PCDHGC4: variants seen among roughly 807,000 people sequenced by gnomAD.
The protein encoded by PCDHGC4 is protocadherin gamma subfamily C, 4.
Under a neutral mutation model 59.7 loss-of-function variants are expected in PCDHGC4, and 15 were observed. The observed-to-expected ratio is 0.25, with a 90% CI of 0.17 to 0.39. PCDHGC4 has a LOEUF of 0.39. Ranked by LOEUF, PCDHGC4 falls within the 10% of genes least tolerant of loss-of-function variation. The pLI is 1.00. For missense variants in PCDHGC4, 1,016 were observed against 1,189.5 expected (o/e 0.85, Z 2.15); for synonymous variants, 434 against 481.4 (o/e 0.90, Z 1.29).
In PCDHGC4 at chr5:141,486,047, C is replaced by T. The variant is rs763394605; in HGVS notation, c.874C>T (p.Leu292Phe). Reference protein sequence around the residue: ...SGHTPDRVRNLFSLHPTTGKL... With the variant: ...SGHTPDRVRNFFSLHPTTGKL... Reference sequence around the variant, plus strand: ...TCATACCCCTGATCGTGTAAGAAACCTCTTTAGCCTGCACCCCACTACTGG... The same window carrying T: ...TCATACCCCTGATCGTGTAAGAAACTTCTTTAGCCTGCACCCCACTACTGG... The change falls in exon 1 of 4, where the codon CTC (leucine) becomes TTC (phenylalanine). Residue 292 changes from leucine (L) to phenylalanine (F), a missense_variant. By Grantham distance (22) the Leu-to-Phe change is conservative (BLOSUM62 0). Transcript: ENST00000306593. The surrounding 1 kb of genome is among the most constrained non-coding windows in gnomAD (Gnocchi z 5.0). 2.5e-6 allele frequency: 4 copies of T among 1,614,054 alleles called. No individual in the cohort carries two copies. The African/African-American group carries it at 5.3e-5, about 22-fold the overall frequency.
At position 141,486,994 on chromosome 5, in the gene PCDHGC4, C is replaced by G. The variant is rs779792543; in HGVS notation, c.1821C>G (p.Ser607=). ...ATTCAGGTTACAATGCTTGGGTTTC[C>G]TATCAGCTCCTGGAGGCCCCAGATC... The part of the protein sequence containing the change: ...DLDSGYNAWV[S]YQLLEAPDPS... Residue 607 remains serine, a synonymous_variant, in exon 1 of 4, where the codon TCC becomes TCG. Coordinates refer to ENST00000306593, the MANE Select transcript of PCDHGC4 (RefSeq NM_018928.3). The surrounding 1 kb of genome is among the most constrained non-coding windows in gnomAD (Gnocchi z 5.0). 3 of 1,614,214 alleles carry G rather than the reference C, an allele frequency of 1.9e-6. No individual in the cohort carries two copies. Among genetic ancestry groups the G allele is most frequent in the Admixed American group, 1.7e-5 (1 of 60,030 alleles).
chr5:141,485,260 G>C lies in PCDHGC4; in HGVS notation c.87G>C (p.Gly29=). ...FLFYHLGYVC[G]QIRYPVPEES... is the part of the protein sequence containing the mutation. ...TTTACCACCTGGGTTACGTTTGTGG[G>C]CAGATCCGCTACCCGGTCCCAGAGG... is the stretch of plus-strand genomic sequence containing the variant. Residue 29 remains glycine (G), a synonymous_variant, in exon 1 of 4, where the codon GGG becomes GGC. Transcript: ENST00000306593. The surrounding 1 kb of genome is among the most constrained non-coding windows in gnomAD (Gnocchi z 5.7). 1 of 1,614,122 alleles carries C rather than the reference G, an allele frequency of 6.2e-7. No homozygotes were observed. The highest frequency in any genetic ancestry group is 8.5e-7 in the Non-Finnish European group (1 of 1,179,966).
chr5:141,509,300 G>A (rs987250093), intron 3 of PCDHGC4, among the ~76,000 whole-genome samples: 5 of 152,216 alleles, frequency 3.3e-5, no homozygotes, highest in African/African-American at 1.2e-4. Flanking sequence ...GGTGGAGGCA[G>A]AGGGAGGCTG....
chr5:141,485,986 G>T lies in PCDHGC4; in HGVS notation c.813G>T (p.Leu271=), dbSNP rs2099622467. The T allele has an allele frequency of 1.2e-6, 2 of 1,614,084 alleles. No homozygotes were observed. Among genetic ancestry groups the T allele is most frequent in the African/African-American group, 1.3e-5 (1 of 74,936 alleles). Residue 271 remains leucine (L), a synonymous_variant, in exon 1 of 4, where the codon CTG becomes CTT. Transcript: ENST00000306593. This position sits in a 1 kb window ranked among gnomAD's most constrained non-coding sequence, Gnocchi z 5.7. ...LIQLNASDPD[L]GPSGNVTFYF... ...AGCTCAATGCCTCAGACCCGGACCT[G>T]GGTCCCAGTGGTAACGTCACCTTTT...
rs1391608601 is a variant in PCDHGC4 at position 141,511,893 on chromosome 5, A to G, written c.*720A>G. The G allele has an allele frequency of 6.4e-6, 1 of 155,062 alleles. No homozygotes were observed. Among genetic ancestry groups the G allele is most frequent in the East Asian group, 1.9e-4 (1 of 5,240 alleles). 9.6% of individuals were successfully genotyped at this position (155,062 alleles called of 1,614,324 possible). A position where few individuals can be genotyped will look rare whatever the true frequency, so the allele number is the denominator to read the frequency against. On this transcript the variant is annotated 3_prime_UTR_variant, in exon 4 of 4. Transcript: ENST00000306593. ...TCCACTGCATGCCTTGACTTCCCCC[A>G]CCTCCTCCTCAAACAAGAGACTCCA...
Position 141,487,272 on chromosome 5 carries a change from T to C in PCDHGC4, c.2099T>C (p.Ile700Thr). 6.2e-7 allele frequency: 1 copy of C among 1,614,148 alleles called. No homozygotes were observed. The highest frequency in any genetic ancestry group is 8.5e-7 in the Non-Finnish European group (1 of 1,180,036). Reference sequence around the variant, plus strand: ...TACTTGGCTGTGTCCCTAGTGGCAATTTGCTTTGTCTCCTTTGGCTCATTC... The same window carrying C: ...TACTTGGCTGTGTCCCTAGTGGCAACTTGCTTTGTCTCCTTTGGCTCATTC... ...TLYLAVSLVAICFVSFGSFVA... is the reference protein window; with the variant it reads ...TLYLAVSLVATCFVSFGSFVA... Residue 700 changes from isoleucine (I) to threonine (T), a missense_variant, in exon 1 of 4, where the codon ATT becomes ACT. Coordinates refer to ENST00000306593, the MANE Select transcript of PCDHGC4 (RefSeq NM_018928.3). This position sits in a 1 kb window ranked among gnomAD's most constrained non-coding sequence, Gnocchi z 5.0.
At chr5:141,500,887 T>C (rs557735403) in intron 2 of PCDHGC4, among the ~76,000 whole-genome samples, 1 of 95,622 alleles carries the variant, frequency 1.0e-5, no homozygotes, top group South Asian at 2.8e-4. Context: ...ATTTTTTTTT[T>C]TTGAGACAGT....
intron 2 of PCDHGC4, among the ~76,000 whole-genome samples, chr5:141,495,296 T>TCCTCCAGAG (rs998633800): frequency 1.3e-5 from 2 of 152,054 alleles, no homozygotes; most frequent in Non-Finnish European, 2.9e-5. Flanking sequence ...ACTCAGCGCC[T>TCCTCCAGAG]CCTCCAGAGC....
At chr5:141,500,411 G>A (rs376320602) in intron 2 of PCDHGC4, among the ~76,000 whole-genome samples, 4 of 151,592 alleles carry the variant, frequency 2.6e-5, no homozygotes, top group East Asian at 2.0e-4. Context: ...GGGTTTCACC[G>A]TGTTAGCCAG....
chr5:141,501,419 C>A (rs910783867), intron 2 of PCDHGC4, among the ~76,000 whole-genome samples: 1 of 151,920 alleles, frequency 6.6e-6, no homozygotes, highest in Non-Finnish European at 1.5e-5. Flanking sequence ...AAATAGTTGA[C>A]TAAATGTAGT....
chr5:141,497,796 TC>T (rs1251163385), intron 2 of PCDHGC4, among the ~76,000 whole-genome samples: 2 of 152,160 alleles, frequency 1.3e-5, no homozygotes, highest in African/African-American at 2.4e-5. Context: ...TGCTTCAGCT[TC>T]CCAAAGTGCT....
rs748457785 is a variant in PCDHGC4 at position 141,489,197 on chromosome 5, A to G, written c.2442+1582A>G. On this transcript the variant is annotated intron_variant, in intron 1 of 3. Coordinates refer to ENST00000306593, the MANE Select transcript of PCDHGC4 (RefSeq NM_018928.3). This position sits in a 1 kb window ranked among gnomAD's most constrained non-coding sequence, Gnocchi z 4.5. ...TCCAAGCCCTGGGTCTACCTTGGAG[A>G]CAGGACAGCACAGACTTACTCTCCA... 7 of 1,391,050 alleles carry G rather than the reference A, an allele frequency of 5.0e-6. No individual in the cohort carries two copies. Among genetic ancestry groups the G allele is most frequent in the African/African-American group, 2.9e-5 (2 of 69,150 alleles). 86.2% of individuals were successfully genotyped at this position (1,391,050 alleles called of 1,614,324 possible).
Position 141,490,202 on chromosome 5 carries a change from G to A in PCDHGC4, c.2442+2587G>A, listed in dbSNP as rs1594889134. On this transcript the variant is annotated intron_variant, in intron 1 of 3. Coordinates refer to ENST00000306593, the MANE Select transcript of PCDHGC4 (RefSeq NM_018928.3). The surrounding 1 kb of genome is among the most constrained non-coding windows in gnomAD (Gnocchi z 5.4). ...TCACGTTTCTATGAAATTCATGCAA[G>A]AGCCCGTGACCAGGGACAGCCTGCC... 1.2e-6 allele frequency: 2 copies of A among 1,614,220 alleles called. No homozygotes were observed. The highest frequency in any genetic ancestry group is 2.7e-5 in the African/African-American group (2 of 75,060).
rs1379023118 is a variant in PCDHGC4, at chr5:141,487,609, G to A, written c.2436G>A (p.Gly812=). ...GCCCACCCTCTGATCTTCTCTATGG[G>A]CTAGAGGTGAGACCTTTGCAGGCTC... ...PSCPPSDLLY[G]LEQAPPNTDW... Residue 812 remains glycine (G), a synonymous_variant, in exon 1 of 4, where the codon GGG becomes GGA. Transcript: ENST00000306593. The surrounding 1 kb of genome is among the most constrained non-coding windows in gnomAD (Gnocchi z 5.0). 1 of 1,614,202 alleles carries A rather than the reference G, an allele frequency of 6.2e-7. No individual in the cohort carries two copies. The highest frequency in any genetic ancestry group is 1.1e-5 in the South Asian group (1 of 91,084).
chr5:141,487,622 C>T lies in PCDHGC4; in HGVS notation c.2442+7C>T. Reference sequence around the variant, plus strand: ...TCTTCTCTATGGGCTAGAGGTGAGACCTTTGCAGGCTCAACAAATGCTTGA... The same window carrying T: ...TCTTCTCTATGGGCTAGAGGTGAGATCTTTGCAGGCTCAACAAATGCTTGA... On this transcript the variant is annotated splice_region_variant and intron_variant, in intron 1 of 3. Coordinates refer to ENST00000306593, the MANE Select transcript of PCDHGC4 (RefSeq NM_018928.3). This position sits in a 1 kb window ranked among gnomAD's most constrained non-coding sequence, Gnocchi z 5.0. 1.2e-6 allele frequency: 2 copies of T among 1,614,174 alleles called. No homozygotes were observed. Among genetic ancestry groups the T allele is most frequent in the South Asian group, 1.1e-5 (1 of 91,084 alleles).
In PCDHGC4 at chr5:141,485,629, C is replaced by G. The variant is rs1028146827; in HGVS notation, c.456C>G (p.Phe152Leu). The G allele has an allele frequency of 1.2e-6, 2 of 1,611,902 alleles. No individual in the cohort carries two copies. The highest frequency in any genetic ancestry group is 3.3e-5 in the Admixed American group (2 of 59,922). The change falls in exon 1 of 4, where the codon TTC (phenylalanine) becomes TTG (leucine). Residue 152 changes from phenylalanine (F) to leucine (L), a missense_variant. Physicochemically the swap from Phe to Leu is conservative, Grantham distance 22. Coordinates refer to ENST00000306593, the MANE Select transcript of PCDHGC4 (RefSeq NM_018928.3). This position sits in a 1 kb window ranked among gnomAD's most constrained non-coding sequence, Gnocchi z 5.7. ...IGEAAPPGQR[F>L]PLEKAQDADV... ...AGGCAGCTCCTCCAGGACAGCGTTTCCCGTTGGAAAAGGCTCAGGATGCAG... is the reference window on the plus strand; with the variant it reads ...AGGCAGCTCCTCCAGGACAGCGTTTGCCGTTGGAAAAGGCTCAGGATGCAG...
rs1372368815 is a variant in PCDHGC4 at position 141,491,370 on chromosome 5, C to T, written c.2443-3437C>T. 3 of 1,614,038 alleles carry T rather than the reference C, an allele frequency of 1.9e-6. No individual in the cohort carries two copies. The highest frequency in any genetic ancestry group is 2.2e-5 in the East Asian group (1 of 44,880). ...GTCTCTTATCCCTAGTCACCTTCAC[C>T]TTTCTGTCAGCGAAGTGCCTTCAGG... On this transcript the variant is annotated intron_variant, in intron 1 of 3. Transcript: ENST00000306593. The surrounding 1 kb of genome is among the most constrained non-coding windows in gnomAD (Gnocchi z 6.9).
rs2099883795 is a variant in PCDHGC4 at position 141,511,444 on chromosome 5, A to C, written c.*271A>C. 3.0e-6 allele frequency: 2 copies of C among 665,362 alleles called. No individual in the cohort carries two copies. The highest frequency in any genetic ancestry group is 3.6e-5 in the African/African-American group (2 of 54,978). 41.2% of individuals were successfully genotyped at this position (665,362 alleles called of 1,614,324 possible). On this transcript the variant is annotated 3_prime_UTR_variant, in exon 4 of 4. Coordinates refer to ENST00000306593, the MANE Select transcript of PCDHGC4 (RefSeq NM_018928.3). ...GGGTAGTGGGGTTACTGTAGACACC[A>C]AGAACCATTTGCCACACCCCGTTTA...
In PCDHGC4 at chr5:141,485,423, C is replaced by A; in HGVS notation, c.250C>A (p.Leu84Met). The change falls in exon 1 of 4, where the codon CTG (leucine) becomes ATG (methionine). Residue 84 changes from leucine (L) to methionine (M), a missense_variant. Physicochemically the swap from Leu to Met is conservative, Grantham distance 15. Transcript: ENST00000306593. This position sits in a 1 kb window ranked among gnomAD's most constrained non-coding sequence, Gnocchi z 5.7. Reference sequence around the variant, plus strand: ...CCGTGTGGATTTGGACAGCGGAGCCCTGCTCATCAAGAACCCAATCGACCG... The same window carrying A: ...CCGTGTGGATTTGGACAGCGGAGCCATGCTCATCAAGAACCCAATCGACCG... ...HFRVDLDSGA[L>M]LIKNPIDREA... 1 of 1,614,204 alleles carries A rather than the reference C, an allele frequency of 6.2e-7. No homozygotes were observed. The highest frequency in any genetic ancestry group is 8.5e-7 in the Non-Finnish European group (1 of 1,180,036).
Sources: allele counts gnomAD v4.1 joint callset (sites outside exome capture counted in the v4.1 genomes callset), GRCh38; gene constraint gnomAD v4.1.1; non-coding constraint Gnocchi (gnomAD v3.1); transcripts MANE v1.5; gene names NCBI Gene and HGNC (gene_info 2026-07-23, HGNC 2026-07-21).